ERC2: variants seen among roughly 807,000 people sequenced by gnomAD.
ERC2 encodes the protein ELKS/RAB6-interacting/CAST family member 2.
ERC2 carries 42 observed loss-of-function variants against 114.8 expected under a neutral mutation model. The observed-to-expected ratio is 0.37, with a 90% CI of 0.29 to 0.47. ERC2 has a LOEUF of 0.47. Among genes scored for constraint, ERC2 ranks in the 20% least tolerant of loss-of-function variants. ERC2 has a pLI of 0.99. For missense variants in ERC2, 939 were observed against 1,150.7 expected, an observed-to-expected ratio of 0.82 and a Z score of 2.66; for synonymous variants, 454 against 425.5, an observed-to-expected ratio of 1.07 and a Z score of -0.82.
chr3:56,025,077 T>C (rs1193009562), intron 7 of ERC2, among the ~76,000 whole-genome samples: 1 of 152,146 alleles, frequency 6.6e-6, no homozygotes, highest in Non-Finnish European at 1.5e-5. Context: ...CCATGACAGA[T>C]TGAAAATTAT....
At chr3:55,775,843 A>T (rs758763962) in intron 14 of ERC2, among the ~76,000 whole-genome samples, 14 of 152,182 alleles carry the variant, frequency 9.2e-5, no homozygotes, top group African/African-American at 3.4e-4. Flanking sequence ...CAGTTTTGAG[A>T]TAATTTGCTT....
At chr3:55,963,703 G>T (rs887861343) in intron 12 of ERC2, among the ~76,000 whole-genome samples, 11 of 152,170 alleles carry the variant, frequency 7.2e-5, no homozygotes, top group African/African-American at 2.4e-4. Context: ...CGACTCCACT[G>T]TTAGACACAG....
intron 14 of ERC2, among the ~76,000 whole-genome samples, chr3:55,757,986 AACG>A (rs1182202301): frequency 1.3e-5 from 2 of 152,124 alleles, no homozygotes; most frequent in African/African-American, 4.8e-5. Flanking sequence ...GTATTCAAAT[AACG>A]ATAGAGCCCA....
chr3:55,725,344 T>C (rs2064845305), intron 15 of ERC2, among the ~76,000 whole-genome samples: 1 of 152,220 alleles, frequency 6.6e-6, no homozygotes, highest in South Asian at 2.1e-4. Flanking sequence ...TGTACTGGGA[T>C]CCTTAAAACC....
intron 16 of ERC2, among the ~76,000 whole-genome samples, chr3:55,689,311 T>C (rs1166904347): frequency 1.3e-5 from 2 of 152,230 alleles, no homozygotes. Context: ...TAGTTTTCTA[T>C]TTCCTTCAAG....
intron 14 of ERC2, among the ~76,000 whole-genome samples, chr3:55,813,228 C>T (rs761623056): frequency 2.0e-5 from 3 of 152,144 alleles, no homozygotes; most frequent in Non-Finnish European, 4.4e-5. Flanking sequence ...GTTACCTATG[C>T]GTCCAATACA....
At chr3:56,438,474 T>A (rs774621637) in intron 1 of ERC2, among the ~76,000 whole-genome samples, 1 of 152,194 alleles carries the variant, frequency 6.6e-6, no homozygotes, top group African/African-American at 2.4e-5. Flanking sequence ...AATACTTGTC[T>A]CAGTGATTGG....
intron 3 of ERC2, among the ~76,000 whole-genome samples, chr3:56,242,244 T>C (rs2150207213): frequency 6.6e-6 from 1 of 152,162 alleles, no homozygotes; most frequent in South Asian, 2.1e-4. Flanking sequence ...AATGTTCTCA[T>C]TTATAAGTGG....
At chr3:56,170,462 C>G (rs1046636848) in intron 4 of ERC2, among the ~76,000 whole-genome samples, 1 of 152,054 alleles carries the variant, frequency 6.6e-6, no homozygotes, top group African/African-American at 2.4e-5. Context: ...ATGTCTTTTG[C>G]GAGTTTATGC....
chr3:55,843,764 C>T (rs1024558781), intron 14 of ERC2, among the ~76,000 whole-genome samples: 1 of 152,214 alleles, frequency 6.6e-6, no homozygotes, highest in East Asian at 1.9e-4. Context: ...GACCTGTTGG[C>T]TCCTTCCTTT....
chr3:56,062,099 T>G (rs2076268090), intron 7 of ERC2, among the ~76,000 whole-genome samples: 1 of 152,208 alleles, frequency 6.6e-6, no homozygotes, highest in African/African-American at 2.4e-5. Flanking sequence ...TTTATATAGA[T>G]TCAAGAGATC....
chr3:55,974,996 C>T (rs1251295452), intron 12 of ERC2, among the ~76,000 whole-genome samples: 1 of 152,148 alleles, frequency 6.6e-6, no homozygotes, highest in Non-Finnish European at 1.5e-5. Context: ...CATACTAGCA[C>T]AAAAAGCCTT....
intron 6 of ERC2, among the ~76,000 whole-genome samples, chr3:56,134,565 AT>A (rs546058754): frequency 3.5e-4 from 52 of 149,222 alleles, no homozygotes; most frequent in Non-Finnish European, 4.9e-4. Flanking sequence ...GCCCATGTGG[AT>A]TTTTTTTTTG....
intron 14 of ERC2, among the ~76,000 whole-genome samples, chr3:55,803,594 GT>G (rs1299605789): frequency 6.6e-6 from 1 of 150,448 alleles, no homozygotes; most frequent in Non-Finnish European, 1.5e-5. Context: ...TTTGTATCTG[GT>G]CCCCTGTTGA....
In ERC2 at chr3:55,700,770, CTATAA is replaced by C. The variant is rs1398971725; in HGVS notation, c.2713-1263_2713-1259del. 2.0e-5 allele frequency among the ~76,000 whole-genome samples: 3 copies of C among 152,268 alleles called. No homozygotes were observed. In the East Asian group the frequency reaches 5.8e-4, roughly 29 times the overall value. On this transcript the variant is annotated intron_variant, in intron 15 of 17. Transcript: ENST00000288221. ...CACGTGCCTCCTGCATACCATGGCT[CTATAA>C]CCACAGATTTATCCGTCCGTATGTC...
At chr3:55,871,669 T>C (rs1430561934) in intron 14 of ERC2, among the ~76,000 whole-genome samples, 1 of 152,182 alleles carries the variant, frequency 6.6e-6, no homozygotes, top group Non-Finnish European at 1.5e-5. Flanking sequence ...AAGATGTAAT[T>C]ATGTCAACCC....
chr3:56,269,885 A>C (rs2053547794), intron 3 of ERC2, among the ~76,000 whole-genome samples: 1 of 152,190 alleles, frequency 6.6e-6, no homozygotes, highest in African/African-American at 2.4e-5. Flanking sequence ...GGCTCTGGTC[A>C]CTTGGGGAAT....
At chr3:56,122,446 T>C (rs901640188) in intron 6 of ERC2, among the ~76,000 whole-genome samples, 1 of 152,208 alleles carries the variant, frequency 6.6e-6, no homozygotes, top group Non-Finnish European at 1.5e-5. Flanking sequence ...TTTAAAATTT[T>C]TTGTTTTACC....
chr3:56,300,206 G>A (rs1331239604), intron 2 of ERC2, among the ~76,000 whole-genome samples: 1 of 149,038 alleles, frequency 6.7e-6, no homozygotes, highest in African/African-American at 2.5e-5. Flanking sequence ...GAGCAGAGGA[G>A]AATGGAGGGA....
Sources: gnomAD v4.1 joint callset for allele counts (sites outside exome capture counted in the v4.1 genomes callset) on GRCh38, gnomAD v4.1.1 for gene constraint, MANE v1.5 for transcripts, NCBI Gene and HGNC (gene_info 2026-07-23, HGNC 2026-07-21) for gene names.